LDLRAD4: variants seen among roughly 807,000 people sequenced by gnomAD.
The protein encoded by LDLRAD4 is low-density lipoprotein receptor class A domain-containing protein 4.
Under a neutral mutation model 17.0 loss-of-function variants are expected in LDLRAD4, and 5 were observed. The observed-to-expected ratio is 0.29, with a 90% CI of 0.15 to 0.62. LDLRAD4 has a LOEUF of 0.62. Ranked by LOEUF, LDLRAD4 falls within the 20% of genes least tolerant of loss-of-function variation. The probability of loss-of-function intolerance (pLI) is 0.84; values close to 1 mark genes in which losing one functional copy is unlikely to be tolerated. For missense variants in LDLRAD4, 340 were observed against 424.7 expected (o/e 0.80, Z 1.75); for synonymous variants, 168 against 171.8 (o/e 0.98, Z 0.17).
exon 2 of LDLRAD4, chr18:13,387,387 C>T (rs2085919126): frequency 3.9e-6 from 1 of 258,402 alleles, no homozygotes; most frequent in South Asian, 6.8e-5. Context: ...AAGGAGCACC[C>T]GCGTGCAGGT....
At chr18:13,501,451 A>C (rs560010661) in intron 3 of LDLRAD4, among the ~76,000 whole-genome samples, 5 of 152,268 alleles carry the variant, frequency 3.3e-5, no homozygotes, top group African/African-American at 1.2e-4. Context: ...CGACGGCTGC[A>C]TGGCCCAGAC....
chr18:13,628,117 C>T (rs1040502822), intron 4 of LDLRAD4, among the ~76,000 whole-genome samples: 4 of 152,206 alleles, frequency 2.6e-5, no homozygotes, highest in Admixed American at 1.3e-4. Context: ...ATTCCCACTG[C>T]GGCTGGAGCG....
At chr18:13,607,428 CTTA>C (rs1475517716) in intron 3 of LDLRAD4, among the ~76,000 whole-genome samples, 1 of 151,858 alleles carries the variant, frequency 6.6e-6, no homozygotes, top group Non-Finnish European at 1.5e-5. Context: ...TTCTTTTTTT[CTTA>C]TTATTTTATT....
At chr18:13,448,322 T>C (rs1402140447) in intron 3 of LDLRAD4, among the ~76,000 whole-genome samples, 1 of 152,202 alleles carries the variant, frequency 6.6e-6, no homozygotes, top group Non-Finnish European at 1.5e-5. Context: ...ACTGTTCATT[T>C]AGCCTCTTAA....
At position 13,480,097 on chromosome 18, in the gene LDLRAD4, C is replaced by T. The variant is rs147351617; in HGVS notation, c.181+41713C>T. Among the ~76,000 whole-genome samples, 8 of 152,344 alleles carry T rather than the reference C, an allele frequency of 5.3e-5. No homozygotes were observed. The East Asian group carries it at 1.5e-3, about 29-fold the overall frequency. ...GAGGAATTGAAACATTATGTCCACA[C>T]AGAAACCTTCACATGGAAGTTTATA... On this transcript the variant is annotated intron_variant, in intron 3 of 5. Transcript: ENST00000359446.
chr18:13,613,693 G>T (rs2039814446), intron 3 of LDLRAD4: 1 of 152,218 alleles, frequency 6.6e-6, no homozygotes, highest in Non-Finnish European at 1.5e-5. Context: ...AAAGTGAGGA[G>T]ATGCCACTCC....
chr18:13,567,151 T>A (rs904124912), intron 3 of LDLRAD4, among the ~76,000 whole-genome samples: 9 of 152,232 alleles, frequency 5.9e-5, no homozygotes, highest in African/African-American at 2.2e-4. Flanking sequence ...ATATTAATCA[T>A]TTCCCCCTGC....
At chr18:13,376,730 A>C (rs1285777239) in intron 1 of LDLRAD4, among the ~76,000 whole-genome samples, 1 of 152,184 alleles carries the variant, frequency 6.6e-6, no homozygotes, top group African/African-American at 2.4e-5. Flanking sequence ...CCAGGAGGGC[A>C]CGTATCTTTA....
At chr18:13,263,804 C>A (rs1326459516) in intron 1 of LDLRAD4, among the ~76,000 whole-genome samples, 2 of 152,190 alleles carry the variant, frequency 1.3e-5, no homozygotes, top group Non-Finnish European at 2.9e-5. Context: ...CGAGCTTGGA[C>A]TGTGGACCAC....
intron 1 of LDLRAD4, among the ~76,000 whole-genome samples, chr18:13,281,345 TGCCACTGCACTCTA>T (rs2146267701): frequency 6.6e-6 from 1 of 152,288 alleles, no homozygotes; most frequent in East Asian, 1.9e-4. Flanking sequence ...GCTATGATCA[TGCCACTGCACTCTA>T]GCCTGGGCAG....
At chr18:13,412,791 C>T (rs910883557) in intron 2 of LDLRAD4, among the ~76,000 whole-genome samples, 2 of 152,176 alleles carry the variant, frequency 1.3e-5, no homozygotes, top group South Asian at 2.1e-4. Flanking sequence ...AGCCAGTAGG[C>T]GCTCCGTAAG....
In LDLRAD4 at chr18:13,435,550, G is replaced by A. The variant is rs548640427; in HGVS notation, c.41-2694G>A. 3.9e-5 allele frequency among the ~76,000 whole-genome samples: 6 copies of A among 152,274 alleles called. No individual in the cohort carries two copies. In the East Asian group the frequency reaches 1.2e-3, roughly 29 times the overall value. On this transcript the variant is annotated intron_variant, in intron 2 of 5. Coordinates refer to ENST00000359446, the Ensembl canonical transcript of LDLRAD4. ...CAGCCTGGAACTTCTGGGCACAAAC[G>A]ATCCTCTTGCCTTAGCTTCCTGAGT... is the stretch of plus-strand genomic sequence containing the variant.
intron 2 of LDLRAD4, chr18:13,420,671 T>A (rs1313675000): frequency 6.6e-6 from 1 of 152,218 alleles, no homozygotes; most frequent in Non-Finnish European, 1.5e-5. Flanking sequence ...CTGGAAGAAG[T>A]TCACGGTGAA....
intron 4 of LDLRAD4, among the ~76,000 whole-genome samples, chr18:13,636,892 G>C (rs186136294): frequency 1.3e-5 from 2 of 151,970 alleles, no homozygotes; most frequent in Admixed American, 1.3e-4. Context: ...CTGCCTCCTG[G>C]GTTTAAGTGA....
chr18:13,467,580 T>C (rs2092657850), intron 3 of LDLRAD4, among the ~76,000 whole-genome samples: 1 of 152,192 alleles, frequency 6.6e-6, no homozygotes, highest in African/African-American at 2.4e-5. Flanking sequence ...CCTAAAGCCA[T>C]CTACAGATGC....
At chr18:13,342,994 C>T (rs2082462653) in intron 1 of LDLRAD4, among the ~76,000 whole-genome samples, 1 of 152,006 alleles carries the variant, frequency 6.6e-6, no homozygotes, top group Non-Finnish European at 1.5e-5. Flanking sequence ...ATTCCCTTCT[C>T]ATGTACTTTT....
intron 1 of LDLRAD4, among the ~76,000 whole-genome samples, chr18:13,305,899 AT>A (rs1247485693): frequency 6.6e-6 from 1 of 152,242 alleles, no homozygotes; most frequent in Admixed American, 6.5e-5. Flanking sequence ...ATAGACTCTA[AT>A]AAGATTTGAG....
chr18:13,345,410 C>T (rs2082622224), intron 1 of LDLRAD4, among the ~76,000 whole-genome samples: 2 of 152,174 alleles, frequency 1.3e-5, no homozygotes, highest in Admixed American at 6.5e-5. Flanking sequence ...GTTGAACCAG[C>T]CTTGCATCCC....
intron 1 of LDLRAD4, among the ~76,000 whole-genome samples, chr18:13,220,299 G>A (rs1383273467): frequency 6.6e-6 from 1 of 152,208 alleles, no homozygotes; most frequent in Admixed American, 6.5e-5. Flanking sequence ...TGTTTTAAAT[G>A]ACCTCTCTAA....
Sources: allele counts gnomAD v4.1 joint callset (sites outside exome capture counted in the v4.1 genomes callset), GRCh38; gene constraint gnomAD v4.1.1; transcripts MANE v1.5; gene names NCBI Gene and HGNC (gene_info 2026-07-23, HGNC 2026-07-21).